Variants in CTNNA2 observed in about 807,000 individuals in gnomAD.
The protein encoded by CTNNA2 is catenin alpha 2.
CTNNA2 carries 42 observed loss-of-function variants against 101.0 expected under a neutral mutation model. That is an observed-to-expected ratio of 0.42 (90% CI 0.32 to 0.54). The LOEUF (loss-of-function observed/expected upper bound fraction) is 0.54. Among genes scored for constraint, CTNNA2 ranks in the 20% least tolerant of loss-of-function variants. The pLI is 0.14. For missense variants in CTNNA2, 871 were observed against 1,223.1 expected (o/e 0.71, Z 4.29); for synonymous variants, 450 against 456.4 (o/e 0.99, Z 0.18).
At chr2:80,065,115 A>G (rs573409808) in intron 7 of CTNNA2, among the ~76,000 whole-genome samples, 113 of 152,306 alleles carry the variant, frequency 7.4e-4, no homozygotes, top group African/African-American at 2.6e-3. Context: ...TATGGCCAGT[A>G]TGATGGGAAT....
intron 7 of CTNNA2, among the ~76,000 whole-genome samples, chr2:80,356,649 G>A (rs11892088): frequency 0.031 from 4,744 of 152,122 alleles, 143 homozygotes; most frequent in African/African-American, 0.073. Context: ...GGGGGGAAAT[G>A]GAAACAGTAA....
chr2:79,844,816 TTCATCTATACTCTGTCTTTTAGAAAC>T (rs1374535589), intron 3 of CTNNA2, among the ~76,000 whole-genome samples: 5 of 54,688 alleles, frequency 9.1e-5, no homozygotes, highest in South Asian at 5.1e-4. Context: ...CTGGGACATT[TTCATCTATACTCTGTCTTTTAGAAAC>T]TCATCTATAC....
intron 9 of CTNNA2, among the ~76,000 whole-genome samples, chr2:80,451,894 A>G (rs1414462725): frequency 6.6e-6 from 1 of 152,182 alleles, no homozygotes. Context: ...TTTTACATAT[A>G]TTTAAATCAG....
chr2:80,542,123 A>G (rs1691617925), intron 9 of CTNNA2, among the ~76,000 whole-genome samples: 1 of 151,436 alleles, frequency 6.6e-6, no homozygotes, highest in African/African-American at 2.4e-5. Flanking sequence ...TTTTTAAAAA[A>G]AAAGTACCAT....
intron 4 of CTNNA2, among the ~76,000 whole-genome samples, chr2:79,407,715 G>T (rs1008355299): frequency 6.6e-6 from 1 of 151,820 alleles, no homozygotes; most frequent in Non-Finnish European, 1.5e-5. Flanking sequence ...AATTTTCCAG[G>T]TATACCGCAG....
At chr2:79,635,291 G>T (rs1186008644) in intron 1 of CTNNA2, among the ~76,000 whole-genome samples, 1 of 151,846 alleles carries the variant, frequency 6.6e-6, no homozygotes, top group Non-Finnish European at 1.5e-5. Context: ...AATTAGCCGG[G>T]CGCGGTGGTG....
At chr2:79,988,839 A>G (rs148080840) in intron 7 of CTNNA2, among the ~76,000 whole-genome samples, 110 of 152,352 alleles carry the variant, frequency 7.2e-4, no homozygotes, top group African/African-American at 2.5e-3. Flanking sequence ...TGCATATCTG[A>G]GGCTCATGAA....
intron 7 of CTNNA2, among the ~76,000 whole-genome samples, chr2:80,191,498 C>T (rs907540960): frequency 3.7e-4 from 57 of 152,170 alleles, no homozygotes; most frequent in African/African-American, 1.3e-3. Flanking sequence ...AGTCTCACTT[C>T]TTCCCATTCA....
intron 7 of CTNNA2, among the ~76,000 whole-genome samples, chr2:80,390,114 C>T (rs986030845): frequency 3.3e-5 from 5 of 152,190 alleles, no homozygotes; most frequent in African/African-American, 1.2e-4. Flanking sequence ...ACCACCTTGC[C>T]TTCTTGTCTA....
chr2:79,230,199 A>C lies in CTNNA2; in HGVS notation c.-406+32123A>C, dbSNP rs1300074109. ...GGGGAAAATGTCTCCAGGGCATGTC[A>C]GAGGTTTTCACCAGGCAGCCCTTCT... On this transcript the variant is annotated intron_variant, in intron 2 of 21. Transcript: ENST00000466387. Among the ~76,000 whole-genome samples, 4 of 152,342 alleles carry C rather than the reference A, an allele frequency of 2.6e-5. No individual in the cohort carries two copies. The East Asian group carries it at 7.7e-4, about 29-fold the overall frequency.
chr2:80,441,125 C>T (rs1946643), intron 9 of CTNNA2, among the ~76,000 whole-genome samples: 34,126 of 152,126 alleles, frequency 0.22, 5,683 homozygotes, highest in African/African-American at 0.47. Flanking sequence ...GATAGAATTA[C>T]GTTCAAGTAC....
intron 7 of CTNNA2, among the ~76,000 whole-genome samples, chr2:80,376,965 T>A (rs1418584739): frequency 6.6e-6 from 1 of 152,202 alleles, no homozygotes; most frequent in Non-Finnish European, 1.5e-5. Flanking sequence ...AAAGGAGGAA[T>A]CAGTCCCCAG....
intron 4 of CTNNA2, among the ~76,000 whole-genome samples, chr2:79,501,281 T>C (rs1159420035): frequency 6.6e-6 from 1 of 152,176 alleles, no homozygotes; most frequent in Non-Finnish European, 1.5e-5. Context: ...TTTTTCTGTT[T>C]ATTTATTTAT....
At chr2:80,319,151 C>G (rs1227887387) in intron 7 of CTNNA2, among the ~76,000 whole-genome samples, 1 of 152,128 alleles carries the variant, frequency 6.6e-6, no homozygotes, top group Non-Finnish European at 1.5e-5. Flanking sequence ...TATGTTCAGA[C>G]AGTAATAACC....
intron 2 of CTNNA2, among the ~76,000 whole-genome samples, chr2:79,294,094 G>A (rs902878219): frequency 6.6e-6 from 1 of 152,024 alleles, no homozygotes; most frequent in African/African-American, 2.4e-5. Flanking sequence ...TGAAGACTGG[G>A]AAGTCCAAGA....
At chr2:79,365,022 A>G (rs894112493) in intron 3 of CTNNA2, among the ~76,000 whole-genome samples, 1 of 152,086 alleles carries the variant, frequency 6.6e-6, no homozygotes, top group Non-Finnish European at 1.5e-5. Context: ...TATGCCTGTA[A>G]TTCAATACTT....
chr2:80,360,909 T>C (rs1162433699), intron 7 of CTNNA2, among the ~76,000 whole-genome samples: 1 of 151,880 alleles, frequency 6.6e-6, no homozygotes, highest in South Asian at 2.1e-4. Context: ...CTATTGATTA[T>C]TATTAATTTG....
intron 7 of CTNNA2, among the ~76,000 whole-genome samples, chr2:79,978,236 G>A (rs1239725772): frequency 6.6e-6 from 1 of 152,040 alleles, no homozygotes; most frequent in African/African-American, 2.4e-5. Flanking sequence ...TATTTGTCTT[G>A]CACGGATTAC....
chr2:80,570,808 C>T (rs1230478140), intron 12 of CTNNA2, among the ~76,000 whole-genome samples: 1 of 152,098 alleles, frequency 6.6e-6, no homozygotes, highest in Non-Finnish European at 1.5e-5. Flanking sequence ...GTCAATAACA[C>T]TGTTGTTTAT....
Sources: gnomAD v4.1 joint callset for allele counts (sites outside exome capture counted in the v4.1 genomes callset) on GRCh38, gnomAD v4.1.1 for gene constraint, MANE v1.5 for transcripts, NCBI Gene and HGNC (gene_info 2026-07-23, HGNC 2026-07-21) for gene names.